TACR1: variants seen among roughly 807,000 people sequenced by gnomAD.
TACR1 encodes tachykinin receptor 1, also known as substance-P receptor.
TACR1 carries 25 observed loss-of-function variants against 35.8 expected under a neutral mutation model. That is an observed-to-expected ratio of 0.70 (90% CI 0.51 to 0.98). The LOEUF is 0.98. Ranked by LOEUF, TACR1 falls within the 50% of genes least tolerant of loss-of-function variation. The pLI, the probability that TACR1 is intolerant of heterozygous loss-of-function variation, is 0.00. For missense variants in TACR1, 478 were observed against 522.9 expected, an observed-to-expected ratio of 0.91 and a Z score of 0.84; for synonymous variants, 195 against 206.7, an observed-to-expected ratio of 0.94 and a Z score of 0.48.
chr2:75,154,345 A>T (rs1387792760), intron 1 of TACR1: 1 of 151,282 alleles, frequency 6.6e-6, no homozygotes, highest in African/African-American at 2.5e-5. Flanking sequence ...TGCTGAAGCC[A>T]CTCACTCCGG....
intron 1 of TACR1, among the ~76,000 whole-genome samples, chr2:75,147,006 T>C (rs74826810): frequency 6.6e-6 from 1 of 152,194 alleles, no homozygotes; most frequent in Non-Finnish European, 1.5e-5. Flanking sequence ...TTTACACTGA[T>C]GCAAACTAAG....
chr2:75,122,009 T>C (rs1452239628), intron 1 of TACR1, among the ~76,000 whole-genome samples: 2 of 152,220 alleles, frequency 1.3e-5, no homozygotes, highest in Non-Finnish European at 2.9e-5. Flanking sequence ...AGCAATTTTA[T>C]TCAGTATGCG....
intron 2 of TACR1, among the ~76,000 whole-genome samples, chr2:75,076,890 G>T (rs529435812): frequency 6.6e-6 from 1 of 152,286 alleles, no homozygotes; most frequent in African/African-American, 2.4e-5. Flanking sequence ...TAGGAAGGGG[G>T]AAGTGAGCTA....
chr2:75,165,075 A>G (rs1044152565), intron 1 of TACR1, among the ~76,000 whole-genome samples: 2 of 152,204 alleles, frequency 1.3e-5, no homozygotes, highest in African/African-American at 4.8e-5. Context: ...CATCCATGTT[A>G]GTCTTACTAT....
At chr2:75,167,708 A>G (rs1169626040) in intron 1 of TACR1, among the ~76,000 whole-genome samples, 1 of 152,204 alleles carries the variant, frequency 6.6e-6, no homozygotes, top group Non-Finnish European at 1.5e-5. Context: ...GAACAAATAA[A>G]TGCTTGGTAT....
intron 2 of TACR1, among the ~76,000 whole-genome samples, chr2:75,080,763 T>G (rs1673073279): frequency 6.6e-6 from 1 of 152,202 alleles, no homozygotes; most frequent in Non-Finnish European, 1.5e-5. Flanking sequence ...ATAACTGGTG[T>G]GAAAATACTT....
intron 4 of TACR1, 120 bp downstream of exon 4, chr2:75,051,131 A>G (rs1329327651): frequency 2.4e-6 from 3 of 1,260,206 alleles, no homozygotes; most frequent in Non-Finnish European, 3.4e-6. Flanking sequence ...AGTTAGCTGC[A>G]GTCCCCACTT....
intron 2 of TACR1, among the ~76,000 whole-genome samples, chr2:75,111,013 T>C (rs1467145582): frequency 2.0e-5 from 3 of 152,026 alleles, no homozygotes; most frequent in African/African-American, 4.8e-5. Flanking sequence ...ATTTGGAATA[T>C]AATTTTTCAT....
At chr2:75,148,803 A>G (rs1242748005) in intron 1 of TACR1, among the ~76,000 whole-genome samples, 2 of 152,110 alleles carry the variant, frequency 1.3e-5, no homozygotes, top group East Asian at 1.9e-4. Context: ...GCCCATGCCT[A>G]TGTCCTGAAT....
intron 2 of TACR1, among the ~76,000 whole-genome samples, chr2:75,067,279 A>G (rs1425183480): frequency 6.6e-6 from 1 of 152,208 alleles, no homozygotes; most frequent in African/African-American, 2.4e-5. Flanking sequence ...TTTAGGCTTT[A>G]TAAAGGCTTC....
At chr2:75,135,605 T>G (rs535613282) in intron 1 of TACR1, among the ~76,000 whole-genome samples, 15 of 152,222 alleles carry the variant, frequency 9.9e-5, no homozygotes, top group Non-Finnish European at 1.9e-4. Context: ...GGCGTCGGCT[T>G]AATAGCTGCT....
At chr2:75,090,077 C>T (rs1462650666) in intron 2 of TACR1, among the ~76,000 whole-genome samples, 4 of 152,206 alleles carry the variant, frequency 2.6e-5, no homozygotes, top group African/African-American at 9.6e-5. Flanking sequence ...CTCCCCACCT[C>T]CTTCAAGTCT....
At chr2:75,125,325 A>C (rs1030982560) in intron 1 of TACR1, among the ~76,000 whole-genome samples, 4 of 152,056 alleles carry the variant, frequency 2.6e-5, no homozygotes, top group African/African-American at 9.7e-5. Context: ...CTGGGATTAC[A>C]GGTGCCTGCC....
chr2:75,118,918 C>G (rs1673913862), intron 2 of TACR1: 1 of 152,180 alleles, frequency 6.6e-6, no homozygotes, highest in African/African-American at 2.4e-5. Flanking sequence ...CCGCTGGGAC[C>G]TTGCTCAGGC....
At chr2:75,186,529 G>A (rs1228752674) in intron 1 of TACR1, among the ~76,000 whole-genome samples, 1 of 151,584 alleles carries the variant, frequency 6.6e-6, no homozygotes, top group Non-Finnish European at 1.5e-5. Context: ...TAATAAGTGT[G>A]TAATATTTTA....
intron 2 of TACR1, among the ~76,000 whole-genome samples, chr2:75,076,347 C>T (rs1239050708): frequency 6.6e-6 from 1 of 152,224 alleles, no homozygotes; most frequent in African/African-American, 2.4e-5. Flanking sequence ...CTCAAATCCC[C>T]CTTACTGATT....
At chr2:75,072,266 G>T (rs368851976) in intron 2 of TACR1, among the ~76,000 whole-genome samples, 1 of 152,152 alleles carries the variant, frequency 6.6e-6, no homozygotes, top group African/African-American at 2.4e-5. Flanking sequence ...CGTCTGCCAG[G>T]TCAAGGATGC....
intron 2 of TACR1, among the ~76,000 whole-genome samples, chr2:75,091,451 A>G (rs1481739704): frequency 1.3e-5 from 2 of 152,000 alleles, no homozygotes; most frequent in Admixed American, 6.6e-5. Flanking sequence ...GGCCTGGTAG[A>G]CCCTTCAACT....
At chr2:75,053,867 G>A (rs1017408191) in intron 2 of TACR1, 112 bp from the exon 3 acceptor site, 13 of 1,416,262 alleles carry the variant, frequency 9.2e-6, no homozygotes, top group Middle Eastern at 3.7e-4. Context: ...CTCAGCATAT[G>A]CCATTAATAA....
Sources: gnomAD v4.1 joint callset for allele counts (sites outside exome capture counted in the v4.1 genomes callset) on GRCh38, gnomAD v4.1.1 for gene constraint, MANE v1.5 for transcripts, NCBI Gene and HGNC (gene_info 2026-07-23, HGNC 2026-07-21) for gene names.